Variants in CHRM3 observed in about 807,000 individuals in gnomAD.
CHRM3 encodes the protein cholinergic receptor muscarinic 3, also known as muscarinic acetylcholine receptor M3.
CHRM3 carries 11 observed loss-of-function variants against 41.8 expected under a neutral mutation model. That is an observed-to-expected ratio of 0.26 (90% CI 0.17 to 0.44). CHRM3 has a LOEUF of 0.44. Ranked by LOEUF, CHRM3 falls within the 20% of genes least tolerant of loss-of-function variation. CHRM3 has a pLI of 1.00. For synonymous variants in CHRM3, 297 were observed against 301.4 expected (o/e 0.99, Z 0.15); for missense variants, 571 against 745.4 (o/e 0.77, Z 2.72).
At chr1:239,810,683 C>T (rs944323672) in intron 5 of CHRM3, among the ~76,000 whole-genome samples, 1 of 152,238 alleles carries the variant, frequency 6.6e-6, no homozygotes, top group African/African-American at 2.4e-5. Flanking sequence ...TTATTATCGG[C>T]ATGTCCTTGG....
At chr1:239,473,250 C>A (rs954805575) in intron 1 of CHRM3, among the ~76,000 whole-genome samples, 5 of 120,032 alleles carry the variant, frequency 4.2e-5, no homozygotes, top group Admixed American at 8.9e-5. Context: ...ACTTAATAAA[C>A]GTAAGCATAT....
chr1:239,502,181 A>G (rs1016366535), intron 2 of CHRM3, among the ~76,000 whole-genome samples: 3 of 152,200 alleles, frequency 2.0e-5, no homozygotes, highest in Admixed American at 6.5e-5. Context: ...TTGATAGACA[A>G]TTATCAAGAT....
intron 6 of CHRM3, among the ~76,000 whole-genome samples, chr1:239,874,780 C>T (rs548593599): frequency 6.6e-6 from 1 of 151,876 alleles, no homozygotes; most frequent in African/African-American, 2.4e-5. Flanking sequence ...CTCGCTGCAA[C>T]CTCCACCTCC....
intron 5 of CHRM3, among the ~76,000 whole-genome samples, chr1:239,684,650 CAAAAAAAAGAA>C (rs1658900165): frequency 9.1e-6 from 1 of 110,366 alleles, no homozygotes; most frequent in Admixed American, 1.1e-4. Flanking sequence ...GATTCCGTCT[CAAAAAAAAGAA>C]AAAAGAAAGA....
intron 1 of CHRM3, among the ~76,000 whole-genome samples, chr1:239,407,417 T>TATAGAGAGAGAGAGAGAGAGAG: frequency 7.5e-6 from 1 of 134,214 alleles, no homozygotes; most frequent in African/African-American, 2.5e-5. Flanking sequence ...TATATATATA[T>TATAGAGAGAGAGAGAGAGAGAG]AGAGAGAGAG....
intron 5 of CHRM3, among the ~76,000 whole-genome samples, chr1:239,713,169 A>G (rs2148244422): frequency 6.6e-6 from 1 of 152,294 alleles, no homozygotes; most frequent in South Asian, 2.1e-4. Context: ...ATTAAGTGGG[A>G]GGCAGCTGAG....
chr1:239,764,680 G>T (rs1572219078), intron 5 of CHRM3, among the ~76,000 whole-genome samples: 2 of 152,168 alleles, frequency 1.3e-5, no homozygotes, highest in Non-Finnish European at 2.9e-5. Flanking sequence ...ATGTTAACAG[G>T]CAAATCTCCA....
At chr1:239,507,393 C>T (rs1277570862) in intron 2 of CHRM3, among the ~76,000 whole-genome samples, 3 of 152,166 alleles carry the variant, frequency 2.0e-5, no homozygotes, top group Non-Finnish European at 2.9e-5. Context: ...TGAACAAGCT[C>T]TCTTCTCTTG....
intron 4 of CHRM3, among the ~76,000 whole-genome samples, chr1:239,634,554 T>G (rs147372867): frequency 1.4e-3 from 214 of 151,898 alleles, no homozygotes; most frequent in East Asian, 9.9e-3. Flanking sequence ...TTTCTTTTTT[T>G]TTTTGAAATA....
chr1:239,555,078 G>A (rs1225725371), intron 3 of CHRM3, among the ~76,000 whole-genome samples: 1 of 151,988 alleles, frequency 6.6e-6, no homozygotes, highest in Non-Finnish European at 1.5e-5. Context: ...AATATTTGTA[G>A]GTGTTGTAGA....
chr1:239,410,051 C>T (rs1010815300), intron 1 of CHRM3, among the ~76,000 whole-genome samples: 1 of 152,160 alleles, frequency 6.6e-6, no homozygotes, highest in Non-Finnish European at 1.5e-5. Flanking sequence ...CTAGAGCAGT[C>T]TCGATTTAAA....
At chr1:239,633,172 C>T (rs61836595) in intron 4 of CHRM3, among the ~76,000 whole-genome samples, 4,198 of 152,234 alleles carry the variant, frequency 0.028, 92 homozygotes, top group Admixed American at 0.057. Flanking sequence ...GGGGTTTCAC[C>T]GTGTTAGCCA....
At chr1:239,454,319 T>C (rs1009979409) in intron 1 of CHRM3, among the ~76,000 whole-genome samples, 1 of 152,170 alleles carries the variant, frequency 6.6e-6, no homozygotes, top group Non-Finnish European at 1.5e-5. Context: ...GCTTTGCTTA[T>C]GCTTACCCAT....
intron 6 of CHRM3, among the ~76,000 whole-genome samples, chr1:239,880,988 G>C (rs1277191031): frequency 3.3e-5 from 5 of 152,030 alleles, no homozygotes; most frequent in Non-Finnish European, 7.4e-5. Flanking sequence ...CTAAGTAAAA[G>C]AATACAACCC....
chr1:239,710,795 T>C (rs566246160), intron 5 of CHRM3, among the ~76,000 whole-genome samples: 1 of 152,180 alleles, frequency 6.6e-6, no homozygotes, highest in Admixed American at 6.5e-5. Context: ...AATATGGCTT[T>C]AGAGTGAAGG....
At chr1:239,516,521 A>T (rs935659006) in intron 2 of CHRM3, among the ~76,000 whole-genome samples, 1 of 152,220 alleles carries the variant, frequency 6.6e-6, no homozygotes, top group African/African-American at 2.4e-5. Flanking sequence ...TCTTATATCA[A>T]AGAGTATGGT....
intron 2 of CHRM3, among the ~76,000 whole-genome samples, chr1:239,527,790 T>A (rs905697090): frequency 2.0e-5 from 3 of 152,226 alleles, no homozygotes; most frequent in Non-Finnish European, 2.9e-5. Flanking sequence ...AAAGAACTTA[T>A]CTCAGAGGCT....
At chr1:239,631,053 G>A (rs1669766314) in intron 3 of CHRM3, among the ~76,000 whole-genome samples, 2 of 152,268 alleles carry the variant, frequency 1.3e-5, no homozygotes, top group South Asian at 4.1e-4. Flanking sequence ...AGGCGCTAAA[G>A]AGAGGAAGAA....
At chr1:239,796,439 A>G (rs1669776363) in intron 5 of CHRM3, among the ~76,000 whole-genome samples, 1 of 152,224 alleles carries the variant, frequency 6.6e-6, no homozygotes, top group African/African-American at 2.4e-5. Context: ...TTATATGCCA[A>G]CTATCATTGG....
Sources: allele counts gnomAD v4.1 joint callset (sites outside exome capture counted in the v4.1 genomes callset), GRCh38; gene constraint gnomAD v4.1.1; transcripts MANE v1.5; gene names NCBI Gene and HGNC (gene_info 2026-07-23, HGNC 2026-07-21).